The following NPAS3 variants were observed in gnomAD, a reference collection of about 807,000 sequenced individuals.
The protein encoded by NPAS3 is neuronal PAS domain protein 3, also known as neuronal PAS domain-containing protein 3.
NPAS3 carries 14 observed loss-of-function variants against 73.1 expected under a neutral mutation model. The observed-to-expected ratio is 0.19, with a 90% CI of 0.13 to 0.30. NPAS3 has a LOEUF of 0.30. Ranked by LOEUF, NPAS3 falls within the 10% of genes least tolerant of loss-of-function variation. NPAS3 has a pLI of 1.00. For missense variants in NPAS3, 1,096 were observed against 1,250.0 expected (o/e 0.88, Z 1.86); for synonymous variants, 620 against 541.5 (o/e 1.14, Z -2.01).
intron 3 of NPAS3, among the ~76,000 whole-genome samples, chr14:33,226,365 T>C (rs1300323494): frequency 1.3e-5 from 2 of 152,224 alleles, no homozygotes; most frequent in South Asian, 4.1e-4. Flanking sequence ...GTCTTCCTGA[T>C]CCAACTGATG....
intron 8 of NPAS3, among the ~76,000 whole-genome samples, chr14:33,775,527 C>T (rs1194617608): frequency 1.3e-5 from 2 of 152,162 alleles, no homozygotes; most frequent in East Asian, 3.9e-4. Context: ...CTGGGAAGCG[C>T]TGAAGATGTT....
At chr14:33,013,032 G>A (rs1024448461) in intron 1 of NPAS3, among the ~76,000 whole-genome samples, 1 of 152,190 alleles carries the variant, frequency 6.6e-6, no homozygotes, top group Non-Finnish European at 1.5e-5. Flanking sequence ...CCTTGTGTGA[G>A]AGCAAATCCA....
At chr14:33,067,384 G>A (rs1051649232) in intron 2 of NPAS3, among the ~76,000 whole-genome samples, 2 of 152,204 alleles carry the variant, frequency 1.3e-5, no homozygotes, top group Non-Finnish European at 2.9e-5. Flanking sequence ...TCCAGCATGG[G>A]ACAATTAGGT....
intron 1 of NPAS3, among the ~76,000 whole-genome samples, chr14:33,002,467 C>G (rs1028157464): frequency 6.6e-6 from 1 of 152,104 alleles, no homozygotes; most frequent in Non-Finnish European, 1.5e-5. Context: ...TTTGTAGGAT[C>G]CTGTCAAGTT....
At chr14:33,776,997 C>G (rs1161983679) in intron 8 of NPAS3, among the ~76,000 whole-genome samples, 6 of 152,138 alleles carry the variant, frequency 3.9e-5, no homozygotes, top group African/African-American at 1.4e-4. Flanking sequence ...AATGGAGTGG[C>G]TTTTTCCTGG....
chr14:32,997,906 C>A (rs1399993819), intron 1 of NPAS3, among the ~76,000 whole-genome samples: 1 of 152,150 alleles, frequency 6.6e-6, no homozygotes, highest in Non-Finnish European at 1.5e-5. Flanking sequence ...TCTTTATCAG[C>A]AGCATGAAAG....
At chr14:33,699,832 C>T (rs1465009413) in intron 6 of NPAS3, among the ~76,000 whole-genome samples, 1 of 152,136 alleles carries the variant, frequency 6.6e-6, no homozygotes, top group African/African-American at 2.4e-5. Context: ...CACGGCACAG[C>T]TAATGACCTG....
intron 2 of NPAS3, among the ~76,000 whole-genome samples, chr14:33,164,118 A>G (rs922691489): frequency 6.6e-6 from 1 of 152,224 alleles, no homozygotes; most frequent in Non-Finnish European, 1.5e-5. Context: ...TTAATTCAGT[A>G]CTTGTGAAAA....
At chr14:33,283,611 G>T (rs2041720523) in intron 3 of NPAS3, among the ~76,000 whole-genome samples, 1 of 152,134 alleles carries the variant, frequency 6.6e-6, no homozygotes, top group African/African-American at 2.4e-5. Context: ...TTCTTGTACA[G>T]GTGACTCTTC....
chr14:33,198,163 T>A (rs1344024785), intron 2 of NPAS3, among the ~76,000 whole-genome samples: 1 of 152,154 alleles, frequency 6.6e-6, no homozygotes, highest in Non-Finnish European at 1.5e-5. Context: ...TTACAGCTCA[T>A]AAAGTCAGTG....
intron 5 of NPAS3, among the ~76,000 whole-genome samples, chr14:33,670,257 G>A (rs572702538): frequency 2.0e-4 from 31 of 152,246 alleles, no homozygotes; most frequent in South Asian, 1.0e-3. Flanking sequence ...AAAAGAGAGC[G>A]GATTCGTGTT....
At chr14:33,318,713 A>C (rs911686953) in intron 3 of NPAS3, among the ~76,000 whole-genome samples, 1 of 152,132 alleles carries the variant, frequency 6.6e-6, no homozygotes, top group Admixed American at 6.6e-5. Context: ...AAAGTTGGGG[A>C]AATGTATAGT....
chr14:33,050,668 C>T (rs959396519), intron 1 of NPAS3, among the ~76,000 whole-genome samples: 3 of 152,134 alleles, frequency 2.0e-5, no homozygotes, highest in Non-Finnish European at 4.4e-5. Flanking sequence ...AAGAACATAG[C>T]CTATCTACAA....
chr14:33,241,168 T>C (rs191770946), intron 3 of NPAS3, among the ~76,000 whole-genome samples: 158 of 152,070 alleles, frequency 1.0e-3, no homozygotes, highest in Admixed American at 2.0e-3. Context: ...AGATATACTA[T>C]GCCTGGTGAA....
chr14:33,507,769 T>G (rs2052839663), intron 4 of NPAS3, among the ~76,000 whole-genome samples: 1 of 152,040 alleles, frequency 6.6e-6, no homozygotes, highest in African/African-American at 2.4e-5. Flanking sequence ...GAGTTAATTT[T>G]TCTCTGACAA....
chr14:33,043,453 T>C (rs2040408575), intron 1 of NPAS3, among the ~76,000 whole-genome samples: 1 of 152,134 alleles, frequency 6.6e-6, no homozygotes, highest in Admixed American at 6.6e-5. Context: ...AAATCTGATA[T>C]CAGGCAATTT....
At chr14:33,319,250 T>A (rs2043336252) in intron 3 of NPAS3, among the ~76,000 whole-genome samples, 1 of 152,100 alleles carries the variant, frequency 6.6e-6, no homozygotes, top group Non-Finnish European at 1.5e-5. Flanking sequence ...AGGCAGGAGC[T>A]AACACAGTGT....
intron 2 of NPAS3, among the ~76,000 whole-genome samples, chr14:33,187,148 C>T (rs7151044): frequency 0.94 from 142,940 of 152,216 alleles, 67,507 homozygotes; most frequent in Non-Finnish European, 0.99. Context: ...TTCTTACTAC[C>T]ATTAGAATAA....
chr14:32,956,142 C>A (rs1226018777), intron 1 of NPAS3, among the ~76,000 whole-genome samples: 3 of 152,038 alleles, frequency 2.0e-5, no homozygotes, highest in East Asian at 3.9e-4. Context: ...AAATTAGAAT[C>A]ATATTAAAAC....
Sources: gnomAD v4.1 joint callset for allele counts (sites outside exome capture counted in the v4.1 genomes callset) on GRCh38, gnomAD v4.1.1 for gene constraint, MANE v1.5 for transcripts, NCBI Gene and HGNC (gene_info 2026-07-23, HGNC 2026-07-21) for gene names.